CYP2E1: variants seen among roughly 807,000 people sequenced by gnomAD.
The protein encoded by CYP2E1 is cytochrome P450 family 2 subfamily E member 1, also known as cytochrome P450 2E1.
A neutral mutation model predicts 42.9 loss-of-function variants in CYP2E1; 31 were observed. That is an observed-to-expected ratio of 0.72 (90% CI 0.54 to 0.98). The LOEUF (loss-of-function observed/expected upper bound fraction) is 0.98, where lower values mean the gene tolerates loss of function less well. Among genes scored for constraint, CYP2E1 ranks in the 50% least tolerant of loss-of-function variants. The pLI is 0.00. For synonymous variants in CYP2E1, 244 were observed against 248.9 expected, an observed-to-expected ratio of 0.98 and a Z score of 0.19; for missense variants, 565 against 633.2, an observed-to-expected ratio of 0.89 and a Z score of 1.16.
rs1182952256 is a variant in CYP2E1, at chr10:133,538,929, C to T, written c.1447C>T (p.Pro483Ser). Residue 483 changes from proline to serine, a missense_variant, in exon 9 of 9, where the codon CCA (proline) becomes TCA (serine). Coordinates refer to ENST00000252945, the MANE Select transcript of CYP2E1 (RefSeq NM_000773.4). ...PIHIGFGCIP[P>S]RYKLCVIPRS The stretch of plus-strand genomic sequence containing the variant: ...ACATATTGGGTTTGGCTGTATCCCA[C>T]CACGTTACAAACTCTGTGTCATTCC... The T allele has an allele frequency of 6.2e-7, 1 of 1,613,778 alleles. No individual in the cohort carries two copies. Among genetic ancestry groups the T allele is most frequent in the Non-Finnish European group, 8.5e-7 (1 of 1,179,948 alleles).
chr10:133,528,192 T>G (rs1316223393), intron 1 of CYP2E1: 1 of 321,686 alleles, frequency 3.1e-6, no homozygotes, highest in Non-Finnish European at 5.7e-6. Context: ...TGGGCGCGCC[T>G]GAGGGAAGGG....
At chr10:133,528,973 TGTTCAACCGCCGG>T (rs1157726661) in intron 2 of CYP2E1, among the ~76,000 whole-genome samples, 1 of 152,068 alleles carries the variant, frequency 6.6e-6, no homozygotes, top group African/African-American at 2.4e-5. Flanking sequence ...TTTCCCCTCC[TGTTCAACCGCCGG>T]GGTACAGGTG....
At chr10:133,533,919 C>T (rs765854614) in intron 6 of CYP2E1, 22 bp downstream of exon 6, 2 of 1,613,348 alleles carry the variant, frequency 1.2e-6, no homozygotes, top group South Asian at 2.2e-5. Context: ...ACTGAAGGGA[C>T]ACCGTGCGTG....
rs368615861 is a variant in CYP2E1, at chr10:133,532,266, C to T, written c.630C>T (p.Leu210=). 3.8e-5 allele frequency: 61 copies of T among 1,613,166 alleles called. No homozygotes were observed. The highest frequency in any genetic ancestry group is 5.2e-5 in the Non-Finnish European group (61 of 1,179,366). Residue 210 remains leucine, a synonymous_variant, in exon 4 of 9, where the codon CTC becomes CTT. Coordinates refer to ENST00000252945, the MANE Select transcript of CYP2E1 (RefSeq NM_000773.4). The part of the protein sequence containing the change: ...MYLFNENFHL[L]STPWLQLYNN... ...TGTTTAATGAGAACTTCCACCTACTCAGCACTCCCTGGCTCCAGGTGAAGC... is the reference window on the plus strand; with the variant it reads ...TGTTTAATGAGAACTTCCACCTACTTAGCACTCCCTGGCTCCAGGTGAAGC...
At position 133,537,184 on chromosome 10, in the gene CYP2E1, C is replaced by G. The variant is rs1485671939; in HGVS notation, c.1089C>G (p.Leu363=). 1.2e-6 allele frequency: 2 copies of G among 1,614,102 alleles called. No homozygotes were observed. Among genetic ancestry groups the G allele is most frequent in the South Asian group, 2.2e-5 (2 of 91,082 alleles). ...ATGAGATTCAGCGGTTCATCACCCT[C>G]GTGCCCTCCAACCTGCCCCATGAAG... ...VVHEIQRFIT[L]VPSNLPHEAT... Residue 363 remains leucine, a synonymous_variant, in exon 7 of 9, where the codon CTC becomes CTG. Transcript: ENST00000252945.
intron 6 of CYP2E1, among the ~76,000 whole-genome samples, chr10:133,536,373 G>A (rs1049790532): frequency 3.3e-5 from 5 of 151,820 alleles, no homozygotes; most frequent in African/African-American, 1.2e-4. Context: ...GCGTGGGTAG[G>A]GGAGTGGATG....
Position 133,532,143 on chromosome 10 carries a change from C to T in CYP2E1, c.507C>T (p.Thr169=), listed in dbSNP as rs753014113. The T allele has an allele frequency of 6.2e-6, 10 of 1,613,708 alleles. No individual in the cohort carries two copies. In the Admixed American group the frequency reaches 1.7e-4, roughly 27 times the overall value. ...TTGTAGGCCAGCCTTTCGACCCCACCTTCCTCATCGGCTGCGCGCCCTGCA... is the reference window on the plus strand; with the variant it reads ...TTGTAGGCCAGCCTTTCGACCCCACTTTCCTCATCGGCTGCGCGCCCTGCA... ...RKTQGQPFDP[T]FLIGCAPCNV... Residue 169 remains threonine (T), a synonymous_variant, in exon 4 of 9, where the codon ACC becomes ACT. Transcript: ENST00000252945.
intron 6 of CYP2E1, among the ~76,000 whole-genome samples, chr10:133,536,269 C>T (rs146958479): frequency 1.3e-5 from 2 of 152,236 alleles, no homozygotes; most frequent in Non-Finnish European, 2.9e-5. Flanking sequence ...CCTCATAGAG[C>T]TTAGCTCTCA....
Position 133,528,534 on chromosome 10 carries a change from G to C in CYP2E1, c.231G>C (p.Met77Ile). 1.2e-6 allele frequency: 2 copies of C among 1,613,558 alleles called. No homozygotes were observed. Among genetic ancestry groups the C allele is most frequent in the Non-Finnish European group, 1.7e-6 (2 of 1,179,964 alleles). Reference sequence around the variant, plus strand: ...CGCTGTACGTGGGCTCGCAGCGCATGGTGGTGATGCACGGCTACAAGGCGG... The same window carrying C: ...CGCTGTACGTGGGCTCGCAGCGCATCGTGGTGATGCACGGCTACAAGGCGG... ...VFTLYVGSQR[M>I]VVMHGYKAVK... Residue 77 changes from methionine (M) to isoleucine (I), a missense_variant, in exon 2 of 9, where the codon ATG becomes ATC. Transcript: ENST00000252945.
chr10:133,538,888 T>C lies in CYP2E1; in HGVS notation c.1406T>C (p.Ile469Thr). ...NLKPLVDPKD[I>T]DLSPIHIGFG... ...AAGCCTCTCGTTGACCCAAAGGATA[T>C]CGACCTCAGCCCTATACATATTGGG... The change falls in exon 9 of 9, where the codon ATC (isoleucine) becomes ACC (threonine). Residue 469 changes from isoleucine to threonine, a missense_variant. Transcript: ENST00000252945. The C allele has an allele frequency of 6.2e-7, 1 of 1,614,122 alleles. No individual in the cohort carries two copies. The highest frequency in any genetic ancestry group is 8.5e-7 in the Non-Finnish European group (1 of 1,180,010).
chr10:133,529,202 C>T (rs1851308985), intron 2 of CYP2E1, among the ~76,000 whole-genome samples: 1 of 152,244 alleles, frequency 6.6e-6, no homozygotes, highest in South Asian at 2.1e-4. Flanking sequence ...GTCTCCTCCA[C>T]GCTTCCTGTC....
At chr10:133,536,847 G>A (rs1389350650) in intron 6 of CYP2E1, among the ~76,000 whole-genome samples, 1 of 148,580 alleles carries the variant, frequency 6.7e-6, no homozygotes, top group Non-Finnish European at 1.5e-5. Context: ...ATGGGAGGGT[G>A]GATGGCTGGC....
intron 2 of CYP2E1, among the ~76,000 whole-genome samples, chr10:133,529,572 C>T (rs1409992403): frequency 6.6e-6 from 1 of 152,260 alleles, no homozygotes; most frequent in Non-Finnish European, 1.5e-5. Flanking sequence ...TGCTCTTGCC[C>T]TATTTATTTG....
Position 133,527,506 on chromosome 10 carries a change from C to G in CYP2E1, c.111C>G (p.Phe37Leu), listed in dbSNP as rs1428404245. 2 of 1,613,644 alleles carry G rather than the reference C, an allele frequency of 1.2e-6. No homozygotes were observed. Among genetic ancestry groups the G allele is most frequent in the Admixed American group, 3.3e-5 (2 of 60,026 alleles). ...GCTGGAATCTGCCCCCAGGCCCTTT[C>G]CCGCTTCCCATCATCGGGAACCTCT... Reference protein sequence around the residue: ...HSSWNLPPGPFPLPIIGNLFQ... With the variant: ...HSSWNLPPGPLPLPIIGNLFQ... The change falls in exon 1 of 9, where the codon TTC becomes TTG. Residue 37 changes from phenylalanine (F) to leucine (L), a missense_variant. Phe to Leu is a conservative substitution (Grantham distance 22, BLOSUM62 0). Coordinates refer to ENST00000252945, the MANE Select transcript of CYP2E1 (RefSeq NM_000773.4).
intron 6 of CYP2E1, among the ~76,000 whole-genome samples, chr10:133,535,733 C>G (rs1851387445): frequency 6.6e-6 from 1 of 152,192 alleles, no homozygotes; most frequent in Non-Finnish European, 1.5e-5. Context: ...CATCAGAGCT[C>G]TTAAAAAGAA....
At chr10:133,529,692 G>C (rs1251786828) in intron 2 of CYP2E1, among the ~76,000 whole-genome samples, 1 of 152,248 alleles carries the variant, frequency 6.6e-6, no homozygotes, top group African/African-American at 2.4e-5. Context: ...GGGTGTTCGC[G>C]CTCTTGAGCG....
At position 133,537,947 on chromosome 10, in the gene CYP2E1, C is replaced by T. The variant is rs977420034; in HGVS notation, c.1297+55C>T. The T allele has an allele frequency of 1.4e-5, 21 of 1,553,542 alleles. No homozygotes were observed. The African/African-American group carries it at 2.6e-4, about 19-fold the overall frequency. Reference sequence around the variant, plus strand: ...TTGAGGAGCAGCCCACACTCCTCATCTCCCCTCCACATGTGCTCTGCCCTC... The same window carrying T: ...TTGAGGAGCAGCCCACACTCCTCATTTCCCCTCCACATGTGCTCTGCCCTC... On this transcript the variant is annotated intron_variant, in intron 8 of 8. Coordinates refer to ENST00000252945, the MANE Select transcript of CYP2E1 (RefSeq NM_000773.4).
chr10:133,532,188 C>T lies in CYP2E1; in HGVS notation c.552C>T (p.Leu184=). The change falls in exon 4 of 9, where the codon CTC becomes CTT. Residue 184 remains leucine (L), a synonymous_variant. Transcript: ENST00000252945. The part of the protein sequence containing the change: ...CAPCNVIADI[L]FRKHFDYNDE... Reference sequence around the variant, plus strand: ...CCTGCAACGTCATAGCCGACATCCTCTTCCGCAAGCATTTTGACTACAATG... The same window carrying T: ...CCTGCAACGTCATAGCCGACATCCTTTTCCGCAAGCATTTTGACTACAATG... 1 of 1,614,046 alleles carries T rather than the reference C, an allele frequency of 6.2e-7. No homozygotes were observed. Among genetic ancestry groups the T allele is most frequent in the Non-Finnish European group, 8.5e-7 (1 of 1,180,012 alleles).
chr10:133,538,954 C>T lies in CYP2E1; in HGVS notation c.1472C>T (p.Pro491Leu), dbSNP rs1325698643. 3.1e-6 allele frequency: 5 copies of T among 1,612,048 alleles called. No homozygotes were observed. The highest frequency in any genetic ancestry group is 4.2e-6 in the Non-Finnish European group (5 of 1,178,826). ...IPPRYKLCVIPRS is the reference protein window; with the variant it reads ...IPPRYKLCVILRS ...CCACGTTACAAACTCTGTGTCATTC[C>T]CCGCTCATGAGTGTGTGGAGGACAC... Residue 491 changes from proline (P) to leucine (L), a missense_variant, in exon 9 of 9, where the codon CCC (proline) becomes CTC (leucine). Pro to Leu is a moderately conservative substitution (Grantham distance 98). Coordinates refer to ENST00000252945, the MANE Select transcript of CYP2E1 (RefSeq NM_000773.4).
Sources: gnomAD v4.1 joint callset for allele counts (sites outside exome capture counted in the v4.1 genomes callset) on GRCh38, gnomAD v4.1.1 for gene constraint, MANE v1.5 for transcripts, NCBI Gene and HGNC (gene_info 2026-07-23, HGNC 2026-07-21) for gene names.